The following MAST3 variants were observed in gnomAD, a reference collection of about 807,000 sequenced individuals.
MAST3 encodes the protein microtubule-associated serine/threonine-protein kinase 3.
Under a neutral mutation model 127.0 loss-of-function variants are expected in MAST3, and 43 were observed. The ratio of observed to expected loss-of-function variants is 0.34; its 90% CI spans 0.27 to 0.44. The LOEUF is 0.44. MAST3 is among the 20% of genes least tolerant of loss of function. MAST3 has a pLI of 1.00. For synonymous variants in MAST3, 785 were observed against 809.2 expected (o/e 0.97, Z 0.51); for missense variants, 1,390 against 1,919.1 (o/e 0.72, Z 5.15).
chr19:18,145,047 T>C lies in MAST3; in HGVS notation c.2857T>C (p.Ser953Pro). Residue 953 changes from serine to proline, a missense_variant, in exon 24 of 28, where the codon TCT (serine) becomes CCT (proline). Around this residue, in one of 5 missense-constraint regions of MAST3, gnomAD observed 816 missense variants for 934.1 expected, o/e 0.87. Transcript: ENST00000687212. The surrounding 1 kb of genome is among the most constrained non-coding windows in gnomAD (Gnocchi z 5.9). Reference protein sequence around the residue: ...GPLMSPLSPRSLSSNPSSRDS... With the variant: ...GPLMSPLSPRPLSSNPSSRDS... Reference sequence around the variant, plus strand: ...CCTCATGAGCCCCCTTTCCCCGCGCTCTCTGTCCTCGAACCCGTCGTCCCG... The same window carrying C: ...CCTCATGAGCCCCCTTTCCCCGCGCCCTCTGTCCTCGAACCCGTCGTCCCG... 1 of 1,606,310 alleles carries C rather than the reference T, an allele frequency of 6.2e-7. No individual in the cohort carries two copies.
rs918087489 is a variant in MAST3 at position 18,112,301 on chromosome 19, ACAGGCGTGCCAC to A, written c.161+1563_161+1574del. Among the ~76,000 whole-genome samples the A allele has an allele frequency of 6.6e-6, 1 of 152,174 alleles. No homozygotes were observed. The highest frequency in any genetic ancestry group is 1.5e-5 in the Non-Finnish European group (1 of 68,032). On this transcript the variant is annotated intron_variant, in intron 3 of 27. Coordinates refer to ENST00000687212, the MANE Select transcript of MAST3 (RefSeq NM_001393504.1). This position sits in a 1 kb window ranked among gnomAD's most constrained non-coding sequence, Gnocchi z 4.1. ...TTTCAGGCTCCGAGTAGCGGAGACT[ACAGGCGTGCCAC>A]CACGCCCGGCTAATTTTTTGTTTGT...
rs749255994 is a variant in MAST3 at position 18,123,197 on chromosome 19, T to C, written c.400-20T>C. The C allele has an allele frequency of 3.7e-6, 6 of 1,612,670 alleles. No homozygotes were observed. Among genetic ancestry groups the C allele is most frequent in the African/African-American group, 1.3e-5 (1 of 74,870 alleles). The stretch of plus-strand genomic sequence containing the variant: ...ACTGACGGTGAACTCATGGCTCTGA[T>C]CCCCACCACTCTCTACCAGTCAAGC... On this transcript the variant is annotated intron_variant, in intron 6 of 27. Coordinates refer to ENST00000687212, the MANE Select transcript of MAST3 (RefSeq NM_001393504.1).
chr19:18,115,617 T>TC (rs1329175977), intron 3 of MAST3, among the ~76,000 whole-genome samples: 1 of 151,854 alleles, frequency 6.6e-6, no homozygotes, highest in East Asian at 1.9e-4. Context: ...AAAACCACCA[T>TC]CTCCCCTGGT....
At chr19:18,113,263 A>G (rs1381171546) in intron 3 of MAST3, among the ~76,000 whole-genome samples, 1 of 150,684 alleles carries the variant, frequency 6.6e-6, no homozygotes, top group African/African-American at 2.4e-5. Flanking sequence ...ACGTCCCAAC[A>G]GAGTCCAGCC....
intron 1 of MAST3, among the ~76,000 whole-genome samples, chr19:18,103,922 C>A (rs1344055649): frequency 6.6e-6 from 1 of 151,946 alleles, no homozygotes; most frequent in Non-Finnish European, 1.5e-5. Context: ...GTATAAGATC[C>A]CACAACTGGC....
At position 18,130,730 on chromosome 19, in the gene MAST3, C is replaced by T. The variant is rs1345518144; in HGVS notation, c.1432+28C>T. 1.9e-6 allele frequency: 3 copies of T among 1,603,594 alleles called. No individual in the cohort carries two copies. The African/African-American group carries it at 4.0e-5, about 21-fold the overall frequency. On this transcript the variant is annotated intron_variant, in intron 14 of 27. Transcript: ENST00000687212. ...ACGCTCACTGGGGCTTGCATGCCTC[C>T]AGCGATGGGGAGCTCACCCCTCCAC...
intron 13 of MAST3, 139 bp downstream of exon 13, chr19:18,129,090 G>A: frequency 2.8e-6 from 2 of 720,034 alleles, no homozygotes; most frequent in East Asian, 2.7e-5. Context: ...GGCACCTGAG[G>A]ACTGGAGGGG....
At chr19:18,134,556 G>A in intron 15 of MAST3, 23 bp from the exon 16 acceptor site, 4 of 1,595,652 alleles carry the variant, frequency 2.5e-6, no homozygotes, top group Non-Finnish European at 3.4e-6. Context: ...CCAGCTCTGA[G>A]CACACTCCTA....
intron 1 of MAST3, among the ~76,000 whole-genome samples, chr19:18,106,469 C>G (rs2038074093): frequency 6.6e-6 from 1 of 152,046 alleles, no homozygotes; most frequent in African/African-American, 2.4e-5. Flanking sequence ...GATCTCTTGA[C>G]CTTGTGATCT....
At chr19:18,105,549 A>G (rs1426594686) in intron 1 of MAST3, among the ~76,000 whole-genome samples, 1 of 150,356 alleles carries the variant, frequency 6.7e-6, no homozygotes, top group African/African-American at 2.4e-5. Flanking sequence ...AAAAAAAAAA[A>G]AAAGTCCCAG....
chr19:18,114,756 A>G (rs1002017852), intron 3 of MAST3, among the ~76,000 whole-genome samples: 1 of 152,118 alleles, frequency 6.6e-6, no homozygotes, highest in African/African-American at 2.4e-5. Flanking sequence ...GGGCGCTCAT[A>G]GGCAAAGTGG....
intron 1 of MAST3, among the ~76,000 whole-genome samples, chr19:18,100,091 CA>C (rs2037435973): frequency 6.8e-6 from 1 of 147,872 alleles, no homozygotes; most frequent in Non-Finnish European, 1.5e-5. Flanking sequence ...CCCAGCTACT[CA>C]AGGAGGCTGA....
In MAST3 at chr19:18,145,529, G is replaced by A. The variant is rs1282345024; in HGVS notation, c.3040-214G>A. On this transcript the variant is annotated intron_variant, in intron 24 of 27. Coordinates refer to ENST00000687212, the MANE Select transcript of MAST3 (RefSeq NM_001393504.1). The surrounding 1 kb of genome is among the most constrained non-coding windows in gnomAD (Gnocchi z 5.9). ...GGCGTCGAGGCATGCCCTCCCTATT[G>A]GTTGCTCCCTGAACAGACACAGAAG... Among the ~76,000 whole-genome samples the A allele has an allele frequency of 1.3e-5, 2 of 152,180 alleles. No homozygotes were observed. Among genetic ancestry groups the A allele is most frequent in the Admixed American group, 1.3e-4 (2 of 15,276 alleles).
chr19:18,137,139 G>A lies in MAST3; in HGVS notation c.1973-100G>A, dbSNP rs1051878355. On this transcript the variant is annotated intron_variant, in intron 18 of 27. Transcript: ENST00000687212. ...GCCCGGCCCATTTTTCTGGTTCTGTGTTGTCCCTACTATGTGTCCAGCATG... is the reference window on the plus strand; with the variant it reads ...GCCCGGCCCATTTTTCTGGTTCTGTATTGTCCCTACTATGTGTCCAGCATG... 8 of 1,463,788 alleles carry A rather than the reference G, an allele frequency of 5.5e-6. No individual in the cohort carries two copies. In the African/African-American group the frequency reaches 9.8e-5, roughly 18 times the overall value. 90.7% of individuals were successfully genotyped at this position (1,463,788 alleles called of 1,614,324 possible). A position where few individuals can be genotyped will look rare whatever the true frequency, so the allele number is the denominator to read the frequency against.
chr19:18,123,986 C>CGCGCCCG lies in MAST3; in HGVS notation c.691_697dup (p.Leu233ArgfsTer7), dbSNP rs1335222670. On this transcript the variant is annotated frameshift_variant, in exon 9 of 28. Coordinates refer to ENST00000687212, the MANE Select transcript of MAST3 (RefSeq NM_001393504.1). LOFTEE classifies it high-confidence loss of function. ...GTCTGCAGGAGTTCCTGACGGCCTA[C>CGCGCCCG]GCGCCCGGCGCCCGGCTGGCGCTGG... The CGCGCCCG allele has an allele frequency of 6.3e-7, 1 of 1,588,874 alleles. No individual in the cohort carries two copies. The highest frequency in any genetic ancestry group is 8.6e-7 in the Non-Finnish European group (1 of 1,169,522).
intron 13 of MAST3, chr19:18,129,198 T>TG: frequency 1.9e-6 from 1 of 537,652 alleles, no homozygotes; most frequent in Non-Finnish European, 3.3e-6. Flanking sequence ...TCTAGGGGCT[T>TG]GGGGGCTGAT....
chr19:18,141,895 C>G lies in MAST3; in HGVS notation c.2219C>G (p.Ser740Cys). 6.7e-7 allele frequency: 1 copy of G among 1,489,816 alleles called. No individual in the cohort carries two copies. The highest frequency in any genetic ancestry group is 1.4e-5 in the South Asian group (1 of 72,898). The allele number at this position is 1,489,816 out of a possible 1,614,324, so 92.3% of individuals were successfully genotyped here. Reference protein sequence around the residue: ...SHRFSKVYSSSEFLAVQPTPT... With the variant: ...SHRFSKVYSSCEFLAVQPTPT... Reference sequence around the variant, plus strand: ...CTTGCCTCCCAGGTCTACAGCAGCTCTGAGTTCCTGGCCGTCCAGCCCACT... The same window carrying G: ...CTTGCCTCCCAGGTCTACAGCAGCTGTGAGTTCCTGGCCGTCCAGCCCACT... The change falls in exon 21 of 28, where the codon TCT becomes TGT. Residue 740 changes from serine (S) to cysteine (C), a missense_variant. Physicochemically the swap from Ser to Cys is moderately radical, Grantham distance 112 (BLOSUM62 -1). Transcript: ENST00000687212.
At chr19:18,102,949 A>G (rs1441461569) in intron 1 of MAST3, among the ~76,000 whole-genome samples, 1 of 152,174 alleles carries the variant, frequency 6.6e-6, no homozygotes, top group African/African-American at 2.4e-5. Flanking sequence ...AGGTGGGGCT[A>G]AAGCTTGTTG....
At chr19:18,117,448 C>T (rs1228118598) in intron 3 of MAST3, among the ~76,000 whole-genome samples, 5 of 152,158 alleles carry the variant, frequency 3.3e-5, no homozygotes, top group African/African-American at 1.2e-4. Flanking sequence ...TCAGACGCCC[C>T]GACTCAATTT....
Sources: gnomAD v4.1 joint callset for allele counts (sites outside exome capture counted in the v4.1 genomes callset) on GRCh38, gnomAD v4.1.1 for gene constraint, gnomAD v4.1.1 regional missense constraint, Gnocchi (gnomAD v3.1) non-coding constraint, MANE v1.5 for transcripts, NCBI Gene and HGNC (gene_info 2026-07-23, HGNC 2026-07-21) for gene names.